Variants in PTGER4 observed in about 807,000 individuals in gnomAD.
The protein encoded by PTGER4 is prostaglandin E2 receptor EP4 subtype.
Under a neutral mutation model 33.2 loss-of-function variants are expected in PTGER4, and 11 were observed. The observed-to-expected ratio is 0.33, with a 90% CI of 0.21 to 0.55. The LOEUF is 0.55. Among genes scored for constraint, PTGER4 ranks in the 20% least tolerant of loss-of-function variants. The probability of loss-of-function intolerance (pLI) is 0.92; values close to 1 mark genes in which losing one functional copy is unlikely to be tolerated. For missense variants in PTGER4, 481 were observed against 650.2 expected (o/e 0.74, Z 2.83); for synonymous variants, 275 against 281.5 (o/e 0.98, Z 0.23).
the PTGER4 span, among the ~76,000 whole-genome samples, chr5:40,743,282 T>C: frequency 6.6e-6 from 1 of 151,386 alleles, no homozygotes; most frequent in Non-Finnish European, 1.5e-5. Context: ...AGAAAAAAGG[T>C]TTTCAGACAG....
chr5:40,700,951 A>C, the PTGER4 span, among the ~76,000 whole-genome samples: 4 of 152,192 alleles, frequency 2.6e-5, no homozygotes, highest in African/African-American at 7.2e-5. Context: ...TGACTCTGAA[A>C]CCAGAGACAA....
downstream of PTGER4, among the ~76,000 whole-genome samples, chr5:40,697,099 AAG>A (rs1324813785): frequency 1.1e-4 from 8 of 74,414 alleles, no homozygotes; most frequent in Admixed American, 3.7e-4. Flanking sequence ...AGAAAGAGAA[AAG>A]AAAGAAAGGA....
At chr5:40,715,485 C>T in the PTGER4 span, 11 of 152,256 alleles carry the variant, frequency 7.2e-5, no homozygotes, top group African/African-American at 2.2e-4. Context: ...CAATACTTTA[C>T]ACTTTTACCA....
In PTGER4 at chr5:40,680,889, T is replaced by C; in HGVS notation, c.-43-62T>C. The stretch of plus-strand genomic sequence containing the variant: ...GTGTATCGTTTCTCGGGCGCGGGTC[T>C]AACACCTTACAAGTGGTAATTTCCG... On this transcript the variant is annotated intron_variant, in intron 1 of 2. Transcript: ENST00000302472. This position sits in a 1 kb window ranked among gnomAD's most constrained non-coding sequence, Gnocchi z 5.5. 1 of 1,427,202 alleles carries C rather than the reference T, an allele frequency of 7.0e-7. No homozygotes were observed. 88.4% of individuals were successfully genotyped at this position (1,427,202 alleles called of 1,614,324 possible). A position where few individuals can be genotyped will look rare whatever the true frequency, so the allele number is the denominator to read the frequency against.
chr5:40,746,326 C>A, the PTGER4 span, among the ~76,000 whole-genome samples: 1 of 152,076 alleles, frequency 6.6e-6, no homozygotes, highest in East Asian at 1.9e-4. Context: ...TCCTGTACAG[C>A]AAGTCATATT....
At chr5:40,745,730 GATTT>G in the PTGER4 span, among the ~76,000 whole-genome samples, 6 of 150,730 alleles carry the variant, frequency 4.0e-5, no homozygotes, top group African/African-American at 1.2e-4. Context: ...CTAGATATAC[GATTT>G]ATTTATTTGT....
the PTGER4 span, among the ~76,000 whole-genome samples, chr5:40,712,857 T>C: frequency 6.6e-6 from 1 of 152,168 alleles, no homozygotes; most frequent in African/African-American, 2.4e-5. Context: ...TCATATATAG[T>C]GCACATTAGG....
the PTGER4 span, among the ~76,000 whole-genome samples, chr5:40,708,449 C>T: frequency 5.3e-5 from 8 of 152,116 alleles, no homozygotes; most frequent in South Asian, 2.1e-4. Flanking sequence ...GGATAAATTC[C>T]TCGACACATA....
chr5:40,709,932 G>A, the PTGER4 span, among the ~76,000 whole-genome samples: 1 of 152,092 alleles, frequency 6.6e-6, no homozygotes, highest in Non-Finnish European at 1.5e-5. Context: ...AATTCAAGAT[G>A]GATTAAAGAC....
At chr5:40,689,845 T>C (rs1369733273) in intron 2 of PTGER4, among the ~76,000 whole-genome samples, 2 of 152,196 alleles carry the variant, frequency 1.3e-5, no homozygotes, top group Non-Finnish European at 2.9e-5. Flanking sequence ...AAATAATTAC[T>C]AAAGGCAAGA....
At chr5:40,694,482 G>A (rs533098432), downstream of PTGER4, among the ~76,000 whole-genome samples, 1 of 152,346 alleles carries the variant, frequency 6.6e-6, no homozygotes, top group South Asian at 2.1e-4. Flanking sequence ...TCTCACAGTT[G>A]TGGAGGCTGG....
At chr5:40,684,581 G>T (rs1381519974) in intron 2 of PTGER4, among the ~76,000 whole-genome samples, 1 of 152,156 alleles carries the variant, frequency 6.6e-6, no homozygotes, top group African/African-American at 2.4e-5. Context: ...ATTTTAATTT[G>T]CTATCCAAAA....
downstream of PTGER4, among the ~76,000 whole-genome samples, chr5:40,698,092 C>CAAAAAAAAAAA (rs1156254550): frequency 8.5e-4 from 34 of 40,036 alleles, no homozygotes; most frequent in East Asian, 2.6e-3. Context: ...CCTGTCTCTA[C>CAAAAAAAAAAA]AAAAAAAAAA....
chr5:40,690,440 T>G (rs1327224278), intron 2 of PTGER4, among the ~76,000 whole-genome samples: 1 of 152,240 alleles, frequency 6.6e-6, no homozygotes, highest in Admixed American at 6.5e-5. Context: ...GCTGAATCAT[T>G]TGAAGTTCCC....
the PTGER4 span, among the ~76,000 whole-genome samples, chr5:40,702,340 C>A: frequency 1.3e-5 from 2 of 152,220 alleles, no homozygotes; most frequent in African/African-American, 4.8e-5. Flanking sequence ...AGCTACCAAG[C>A]AAATGGAAAA....
chr5:40,681,408 A>G lies in PTGER4; in HGVS notation c.415A>G (p.Thr139Ala). The G allele has an allele frequency of 3.7e-6, 6 of 1,613,890 alleles. No individual in the cohort carries two copies. Among genetic ancestry groups the G allele is most frequent in the Non-Finnish European group, 5.1e-6 (6 of 1,180,012 alleles). The change falls in exon 2 of 3, where the codon ACG becomes GCG. Residue 139 changes from threonine (T) to alanine (A), a missense_variant. By Grantham distance (58) the Thr-to-Ala change is moderately conservative. Coordinates refer to ENST00000302472, the MANE Select transcript of PTGER4 (RefSeq NM_000958.3). The surrounding 1 kb of genome is among the most constrained non-coding windows in gnomAD (Gnocchi z 9.8). Reference protein sequence around the residue: ...HYVDKRLAGLTLFAVYASNVL... With the variant: ...HYVDKRLAGLALFAVYASNVL... ...CGTGGACAAGCGATTGGCGGGCCTC[A>G]CGCTCTTTGCAGTCTATGCGTCCAA...
chr5:40,727,184 C>CACTGTT, the PTGER4 span, among the ~76,000 whole-genome samples: 3 of 152,076 alleles, frequency 2.0e-5, no homozygotes, highest in South Asian at 6.2e-4. Context: ...TTACTAAAAC[C>CACTGTT]ACTGTTAGTA....
the PTGER4 span, among the ~76,000 whole-genome samples, chr5:40,724,082 C>T: frequency 1.3e-5 from 2 of 152,202 alleles, no homozygotes; most frequent in Non-Finnish European, 2.9e-5. Flanking sequence ...CTCCCAGGTT[C>T]ATGGCAGCAC....
At chr5:40,738,163 G>C in the PTGER4 span, among the ~76,000 whole-genome samples, 6 of 152,120 alleles carry the variant, frequency 3.9e-5, no homozygotes, top group Non-Finnish European at 8.8e-5. Context: ...TGTAATCCCA[G>C]CACTTTGGGA....
Sources: allele counts gnomAD v4.1 joint callset (sites outside exome capture counted in the v4.1 genomes callset), GRCh38; gene constraint gnomAD v4.1.1; non-coding constraint Gnocchi (gnomAD v3.1); transcripts MANE v1.5; gene names NCBI Gene and HGNC (gene_info 2026-07-23, HGNC 2026-07-21).